PKN2: variants seen among roughly 807,000 people sequenced by gnomAD.
PKN2 encodes the protein protein kinase N2, also known as serine/threonine-protein kinase N2.
Under a neutral mutation model 119.1 loss-of-function variants are expected in PKN2, and 38 were observed. The observed-to-expected ratio is 0.32, with a 90% CI of 0.25 to 0.42. The LOEUF (loss-of-function observed/expected upper bound fraction) is 0.42. PKN2 is among the 10% of genes least tolerant of loss of function. The probability of loss-of-function intolerance (pLI) is 1.00; values close to 1 mark genes in which losing one functional copy is unlikely to be tolerated. For missense variants in PKN2, 850 were observed against 1,165.1 expected (o/e 0.73, Z 3.94); for synonymous variants, 390 against 384.9 (o/e 1.01, Z -0.15).
intron 2 of PKN2, among the ~76,000 whole-genome samples, chr1:88,752,966 C>T (rs868085742): frequency 4.0e-5 from 6 of 151,834 alleles, no homozygotes; most frequent in Admixed American, 2.6e-4. Context: ...CTTTTTCTTT[C>T]TTGTCATTTT....
intron 21 of PKN2, 24 bp downstream of exon 21, chr1:88,833,181 T>G: frequency 6.2e-7 from 1 of 1,610,386 alleles, no homozygotes; most frequent in Non-Finnish European, 8.5e-7. Flanking sequence ...TTTAAAATTT[T>G]TTATGAAACT....
At chr1:88,702,953 T>G (rs990627175) in intron 1 of PKN2, among the ~76,000 whole-genome samples, 33 of 152,186 alleles carry the variant, frequency 2.2e-4, no homozygotes, top group Non-Finnish European at 3.8e-4. Context: ...TGTGTAAACT[T>G]TTAATGAATT....
chr1:88,749,202 C>G (rs1242502789), intron 2 of PKN2, among the ~76,000 whole-genome samples: 1 of 152,100 alleles, frequency 6.6e-6, no homozygotes, highest in African/African-American at 2.4e-5. Flanking sequence ...AAGAAGTCTT[C>G]TCTACTAGGA....
In PKN2 at chr1:88,771,402, A is replaced by T. The variant is rs1196860757; in HGVS notation, c.623-19A>T. ...AAGTCAGATAAATGGTGCAATTAAA[A>T]TTTTTTTTTCCTTTCTAGCAAAACC... On this transcript the variant is annotated intron_variant, in intron 4 of 21. Coordinates refer to ENST00000370521, the MANE Select transcript of PKN2 (RefSeq NM_006256.4). 19 of 1,550,740 alleles carry T rather than the reference A, an allele frequency of 1.2e-5. No individual in the cohort carries two copies. Among genetic ancestry groups the T allele is most frequent in the Middle Eastern group, 2.3e-4 (1 of 4,370 alleles).
At chr1:88,717,894 C>A (rs1667520303) in intron 1 of PKN2, among the ~76,000 whole-genome samples, 1 of 152,154 alleles carries the variant, frequency 6.6e-6, no homozygotes, top group Admixed American at 6.6e-5. Flanking sequence ...TTAGAATTTT[C>A]AGCTTTTCTG....
At chr1:88,700,339 A>G (rs765277436) in intron 1 of PKN2, among the ~76,000 whole-genome samples, 1 of 152,152 alleles carries the variant, frequency 6.6e-6, no homozygotes, top group Non-Finnish European at 1.5e-5. Flanking sequence ...GTCTTCCACA[A>G]TGCAGAACCC....
chr1:88,796,069 T>C (rs1172025618), intron 8 of PKN2, among the ~76,000 whole-genome samples: 1 of 152,210 alleles, frequency 6.6e-6, no homozygotes, highest in Non-Finnish European at 1.5e-5. Flanking sequence ...CGCAAGGCAG[T>C]TTGATCCCAG....
chr1:88,758,474 C>T (rs1023360408), intron 2 of PKN2, among the ~76,000 whole-genome samples: 1 of 151,866 alleles, frequency 6.6e-6, no homozygotes. Flanking sequence ...TATTTTGTCA[C>T]CCAGGTATTA....
intron 16 of PKN2, among the ~76,000 whole-genome samples, chr1:88,821,417 G>A (rs960144756): frequency 6.6e-6 from 1 of 152,064 alleles, no homozygotes; most frequent in African/African-American, 2.4e-5. Context: ...TTGATTCTCT[G>A]TCACTAAGAG....
At chr1:88,756,069 A>C (rs1406834859) in intron 2 of PKN2, among the ~76,000 whole-genome samples, 2 of 151,748 alleles carry the variant, frequency 1.3e-5, no homozygotes, top group African/African-American at 4.8e-5. Flanking sequence ...GTGCCACCAC[A>C]CCCAGCTAAT....
chr1:88,744,337 C>T (rs1469016759), intron 2 of PKN2, among the ~76,000 whole-genome samples: 1 of 152,122 alleles, frequency 6.6e-6, no homozygotes, highest in African/African-American at 2.4e-5. Flanking sequence ...GCTTAGTAAG[C>T]AGAACAAATG....
At chr1:88,689,537 A>G (rs1025292531) in intron 1 of PKN2, among the ~76,000 whole-genome samples, 1 of 152,226 alleles carries the variant, frequency 6.6e-6, no homozygotes, top group African/African-American at 2.4e-5. Context: ...CAGGCTGGGC[A>G]TAGTGGCTCA....
intron 3 of PKN2, 114 bp downstream of exon 3, chr1:88,760,490 G>C (rs1669400487): frequency 5.2e-6 from 3 of 572,870 alleles, no homozygotes. Context: ...AGTACTGGTG[G>C]CATGGCACTT....
At chr1:88,796,100 A>C (rs79295086) in intron 8 of PKN2, among the ~76,000 whole-genome samples, 2 of 152,232 alleles carry the variant, frequency 1.3e-5, no homozygotes, top group Non-Finnish European at 2.9e-5. Flanking sequence ...TTTAGCAACT[A>C]TACAGGTTGA....
At chr1:88,718,834 A>T (rs559474412) in intron 1 of PKN2, among the ~76,000 whole-genome samples, 2 of 152,074 alleles carry the variant, frequency 1.3e-5, no homozygotes, top group African/African-American at 4.8e-5. Context: ...TTCCCTGTTT[A>T]TTATAAGATA....
chr1:88,802,571 C>G (rs1259673266), intron 8 of PKN2, among the ~76,000 whole-genome samples: 8 of 152,294 alleles, frequency 5.3e-5, no homozygotes, highest in Admixed American at 5.2e-4. Flanking sequence ...AGTGATTCAC[C>G]CACGTCAACG....
intron 1 of PKN2, among the ~76,000 whole-genome samples, chr1:88,730,365 G>A (rs1007191344): frequency 6.6e-6 from 1 of 152,046 alleles, no homozygotes; most frequent in Non-Finnish European, 1.5e-5. Context: ...GTATAGCAGT[G>A]CCCAGTAAGG....
chr1:88,757,389 C>T lies in PKN2; in HGVS notation c.350-2833C>T, dbSNP rs938839765. Reference sequence around the variant, plus strand: ...TGGTTGCCCAGGCTGGTCTCAAACTCCTGGCCTTAAGTGATTCTGCTGCCT... The same window carrying T: ...TGGTTGCCCAGGCTGGTCTCAAACTTCTGGCCTTAAGTGATTCTGCTGCCT... On this transcript the variant is annotated intron_variant, in intron 2 of 21. Transcript: ENST00000370521. 3.3e-5 allele frequency among the ~76,000 whole-genome samples: 5 copies of T among 152,082 alleles called. No homozygotes were observed. The South Asian group carries it at 1.0e-3, about 32-fold the overall frequency.
In PKN2 at chr1:88,805,722, C is replaced by G. The variant is rs757641608; in HGVS notation, c.1676+51C>G. 4.4e-6 allele frequency: 7 copies of G among 1,604,120 alleles called. No individual in the cohort carries two copies. The African/African-American group carries it at 6.7e-5, about 15-fold the overall frequency. On this transcript the variant is annotated intron_variant, in intron 11 of 21. Transcript: ENST00000370521. Reference sequence around the variant, plus strand: ...TCTTATACAAAGTTATTGGGACATTCTTACGTACTGATTATAGCAGGTGTA... The same window carrying G: ...TCTTATACAAAGTTATTGGGACATTGTTACGTACTGATTATAGCAGGTGTA...
Sources: gnomAD v4.1 joint callset for allele counts (sites outside exome capture counted in the v4.1 genomes callset) on GRCh38, gnomAD v4.1.1 for gene constraint, MANE v1.5 for transcripts, NCBI Gene and HGNC (gene_info 2026-07-23, HGNC 2026-07-21) for gene names.